Variants in GRM3 observed in about 807,000 individuals in gnomAD.
The protein encoded by GRM3 is metabotropic glutamate receptor 3.
A neutral mutation model predicts 70.5 loss-of-function variants in GRM3; 26 were observed. The observed-to-expected ratio is 0.37, with a 90% CI of 0.27 to 0.51. The LOEUF is 0.51. Ranked by LOEUF, GRM3 falls within the 20% of genes least tolerant of loss-of-function variation. The pLI, the probability that GRM3 is intolerant of heterozygous loss-of-function variation, is 0.93. For synonymous variants in GRM3, 443 were observed against 434.9 expected (o/e 1.02, Z -0.23); for missense variants, 859 against 1,123.8 (o/e 0.76, Z 3.37).
chr7:86,757,455 A>C (rs1472647054), intron 1 of GRM3, among the ~76,000 whole-genome samples: 1 of 152,188 alleles, frequency 6.6e-6, no homozygotes, highest in Non-Finnish European at 1.5e-5. Flanking sequence ...AATAGAGTAC[A>C]GCCAGTCTTT....
intron 3 of GRM3, among the ~76,000 whole-genome samples, chr7:86,819,397 T>C (rs1052779761): frequency 3.3e-5 from 5 of 152,156 alleles, no homozygotes; most frequent in African/African-American, 4.8e-5. Context: ...CTGTTATTGC[T>C]TGTGCTTGTA....
At chr7:86,712,045 G>A (rs184440702) in intron 1 of GRM3, among the ~76,000 whole-genome samples, 54 of 152,054 alleles carry the variant, frequency 3.6e-4, no homozygotes, top group East Asian at 2.9e-3. Flanking sequence ...TCTGTTAGTG[G>A]CATCCTAATA....
intron 5 of GRM3, among the ~76,000 whole-genome samples, chr7:86,856,186 G>A (rs1015649729): frequency 6.6e-6 from 1 of 152,178 alleles, no homozygotes; most frequent in Non-Finnish European, 1.5e-5. Context: ...ACTCATGCCT[G>A]TAGTCCCAGC....
At chr7:86,746,671 T>C (rs1796113153) in intron 1 of GRM3, among the ~76,000 whole-genome samples, 1 of 151,976 alleles carries the variant, frequency 6.6e-6, no homozygotes, top group Admixed American at 6.6e-5. Context: ...GCCCGATGCA[T>C]TGCTAATGCC....
At chr7:86,706,597 G>A (rs555419865) in intron 1 of GRM3, among the ~76,000 whole-genome samples, 2 of 152,098 alleles carry the variant, frequency 1.3e-5, no homozygotes, top group East Asian at 3.9e-4. Context: ...TAATGGAAAT[G>A]TAGAGTCAAA....
At chr7:86,854,071 C>T (rs920572127) in intron 5 of GRM3, among the ~76,000 whole-genome samples, 1 of 152,166 alleles carries the variant, frequency 6.6e-6, no homozygotes, top group Non-Finnish European at 1.5e-5. Context: ...ATGGGAAGTG[C>T]ATAGACCCCA....
intron 3 of GRM3, among the ~76,000 whole-genome samples, chr7:86,803,699 C>T (rs921359237): frequency 6.6e-6 from 1 of 152,158 alleles, no homozygotes; most frequent in African/African-American, 2.4e-5. Context: ...TAGCATGATT[C>T]CCTGAGTGCA....
At chr7:86,728,746 T>C (rs1795651119) in intron 1 of GRM3, among the ~76,000 whole-genome samples, 1 of 152,170 alleles carries the variant, frequency 6.6e-6, no homozygotes, top group Admixed American at 6.5e-5. Context: ...ATATCTGATA[T>C]GTTGGTTGGG....
intron 1 of GRM3, among the ~76,000 whole-genome samples, chr7:86,736,676 G>C (rs543563074): frequency 4.3e-4 from 65 of 152,262 alleles, no homozygotes; most frequent in African/African-American, 1.5e-3. Context: ...GAAAGAAAAA[G>C]AGCAAAGAAA....
At chr7:86,678,653 A>G (rs1250186356) in intron 1 of GRM3, among the ~76,000 whole-genome samples, 1 of 152,078 alleles carries the variant, frequency 6.6e-6, no homozygotes, top group Non-Finnish European at 1.5e-5. Flanking sequence ...GCAATTAGGA[A>G]AGGTGAGAAA....
chr7:86,804,135 A>T (rs1468412), intron 3 of GRM3, among the ~76,000 whole-genome samples: 57,714 of 151,976 alleles, frequency 0.38, 12,764 homozygotes, highest in African/African-American at 0.62. Flanking sequence ...ATAGGCAGTA[A>T]AATGATTGTT....
At chr7:86,771,088 A>G (rs951405589) in intron 2 of GRM3, among the ~76,000 whole-genome samples, 9 of 152,138 alleles carry the variant, frequency 5.9e-5, no homozygotes, top group African/African-American at 2.2e-4. Flanking sequence ...CATAAGGAAG[A>G]CTTCTTAAAA....
intron 3 of GRM3, among the ~76,000 whole-genome samples, chr7:86,828,166 T>C: frequency 6.7e-6 from 1 of 149,380 alleles, no homozygotes; most frequent in Non-Finnish European, 1.5e-5. Flanking sequence ...GAAAAGGTAC[T>C]TTATAAAAGG....
At chr7:86,692,272 T>G (rs1228074547) in intron 1 of GRM3, among the ~76,000 whole-genome samples, 1 of 152,202 alleles carries the variant, frequency 6.6e-6, no homozygotes, top group African/African-American at 2.4e-5. Flanking sequence ...ACATTTTTTC[T>G]CTTAGAATAA....
At chr7:86,854,106 A>G (rs1008633151) in intron 5 of GRM3, among the ~76,000 whole-genome samples, 1 of 152,184 alleles carries the variant, frequency 6.6e-6, no homozygotes, top group Non-Finnish European at 1.5e-5. Flanking sequence ...TGTGATTATT[A>G]TAATTATGCC....
chr7:86,692,056 CAG>C (rs1794708078), intron 1 of GRM3, among the ~76,000 whole-genome samples: 1 of 152,130 alleles, frequency 6.6e-6, no homozygotes, highest in Admixed American at 6.5e-5. Context: ...TGTGATTTCA[CAG>C]AGTCTGGGCC....
chr7:86,692,018 T>C (rs1794707284), intron 1 of GRM3, among the ~76,000 whole-genome samples: 1 of 152,204 alleles, frequency 6.6e-6, no homozygotes, highest in South Asian at 2.1e-4. Context: ...GATTTGCCTT[T>C]CTAACAGACA....
At chr7:86,816,428 G>T (rs972256396) in intron 3 of GRM3, among the ~76,000 whole-genome samples, 1 of 151,676 alleles carries the variant, frequency 6.6e-6, no homozygotes, top group African/African-American at 2.4e-5. Context: ...GTAGTTTTTT[G>T]ATCCTCTTCC....
chr7:86,732,629 T>C (rs956532718), intron 1 of GRM3, among the ~76,000 whole-genome samples: 1 of 152,208 alleles, frequency 6.6e-6, no homozygotes, highest in Non-Finnish European at 1.5e-5. Context: ...ACAACAGTCC[T>C]ATAGACTAGA....
Sources: gnomAD v4.1 joint callset for allele counts (sites outside exome capture counted in the v4.1 genomes callset) on GRCh38, gnomAD v4.1.1 for gene constraint, MANE v1.5 for transcripts, NCBI Gene and HGNC (gene_info 2026-07-23, HGNC 2026-07-21) for gene names.